PCGF3: variants seen among roughly 807,000 people sequenced by gnomAD.
The protein encoded by PCGF3 is polycomb group RING finger protein 3.
PCGF3 carries 7 observed loss-of-function variants against 33.1 expected under a neutral mutation model. The observed-to-expected ratio is 0.21, with a 90% CI of 0.12 to 0.40. The LOEUF (loss-of-function observed/expected upper bound fraction) is 0.40, where lower values mean the gene tolerates loss of function less well. Ranked by LOEUF, PCGF3 falls within the 10% of genes least tolerant of loss-of-function variation. The pLI, the probability that PCGF3 is intolerant of heterozygous loss-of-function variation, is 1.00. For missense variants in PCGF3, 211 were observed against 313.3 expected (o/e 0.67, Z 2.46); for synonymous variants, 153 against 121.3 (o/e 1.26, Z -1.72).
exon 11 of PCGF3, chr4:767,312 A>G (rs1410712718): frequency 2.0e-5 from 3 of 150,322 alleles, no homozygotes; most frequent in South Asian, 4.3e-4. Flanking sequence ...AGCCACACAC[A>G]CATTTTTTTT....
At chr4:734,947 G>A (rs1743766052) in exon 5 of PCGF3, 1 of 1,613,598 alleles carries the variant, frequency 6.2e-7, no homozygotes, top group Admixed American at 1.7e-5. Context: ...GGAGCTGCCT[G>A]GTGAAGTACC....
chr4:761,914 C>G (rs1033616908), intron 9 of PCGF3: 2 of 985,284 alleles, frequency 2.0e-6, no homozygotes, highest in Non-Finnish European at 2.4e-6. Flanking sequence ...TCCAGCTTTG[C>G]ATGGAGACAG....
intron 9 of PCGF3, among the ~76,000 whole-genome samples, chr4:763,437 G>A (rs1745181234): frequency 6.6e-6 from 1 of 152,190 alleles, no homozygotes; most frequent in African/African-American, 2.4e-5. Flanking sequence ...CAGCCACTCA[G>A]GCAGGTGGGG....
chr4:764,200 G>A (rs1745230075), intron 9 of PCGF3, among the ~76,000 whole-genome samples: 1 of 152,244 alleles, frequency 6.6e-6, no homozygotes, highest in African/African-American at 2.4e-5. Flanking sequence ...CCCCCATGCA[G>A]GGTGTTGGTG....
intron 6 of PCGF3, among the ~76,000 whole-genome samples, chr4:740,823 G>A (rs554174764): frequency 1.3e-5 from 2 of 152,192 alleles, no homozygotes; most frequent in South Asian, 2.1e-4. Context: ...GCCTTCACCC[G>A]TAAGCCCGTC....
chr4:765,219 G>T, intron 10 of PCGF3, 155 bp downstream of exon 10: 1 of 583,752 alleles, frequency 1.7e-6, no homozygotes, highest in South Asian at 1.9e-5. Flanking sequence ...GGATCACGAG[G>T]TCAGGAGATC....
At chr4:735,150 A>G in intron 5 of PCGF3, 123 bp downstream of exon 5, 1 of 1,059,648 alleles carries the variant, frequency 9.4e-7, no homozygotes, top group Non-Finnish European at 1.4e-6. Context: ...GCCTCTCCTG[A>G]CCAAGGGCAC....
intron 1 of PCGF3, among the ~76,000 whole-genome samples, chr4:715,872 G>A (rs1198665597): frequency 5.4e-5 from 6 of 110,290 alleles, no homozygotes; most frequent in African/African-American, 1.9e-4. Context: ...ACTGGGTGTC[G>A]GTGCTGGGAC....
At chr4:739,140 C>T (rs184314801) in intron 6 of PCGF3, among the ~76,000 whole-genome samples, 119 of 152,268 alleles carry the variant, frequency 7.8e-4, no homozygotes, top group African/African-American at 2.8e-3. Context: ...TCCTTAATAC[C>T]AAATAGCCAC....
At position 733,596 on chromosome 4, in the gene PCGF3, C is replaced by A. The variant is rs546543429; in HGVS notation, c.-9-76C>A. On this transcript the variant is annotated intron_variant, in intron 3 of 10. Coordinates refer to ENST00000362003, the Ensembl canonical transcript of PCGF3. ...GGGCCTGCACTGTCCTCCCTGGGGG[C>A]GGCTGTCAGAGCTCAGCCAAGGATG... 3.1e-5 allele frequency: 44 copies of A among 1,429,504 alleles called. 2 individuals are homozygous for A. The highest frequency in any genetic ancestry group is 9.3e-5 in the East Asian group (4 of 43,200). The allele number at this position is 1,429,504 out of a possible 1,614,324, so 88.6% of individuals were successfully genotyped here.
At chr4:761,255 T>G in intron 8 of PCGF3, 24 bp from the exon 9 acceptor site, 1 of 1,557,216 alleles carries the variant, frequency 6.4e-7, no homozygotes, top group Non-Finnish European at 8.7e-7. Flanking sequence ...CCTGCTGCGC[T>G]CTCACCAGCG....
Position 721,113 on chromosome 4 carries a change from C to A in PCGF3, c.-189-9517C>A, listed in dbSNP as rs1044379143. On this transcript the variant is annotated intron_variant, in intron 1 of 10. Transcript: ENST00000362003. The surrounding 1 kb of genome is among the most constrained non-coding windows in gnomAD (Gnocchi z 4.1). ...GAGGCTGAGGACCCTGGGGAGGGAA[C>A]GCTGCTTGTCGGGCGGTGGTGACGA... is the stretch of plus-strand genomic sequence containing the variant. Among the ~76,000 whole-genome samples the A allele has an allele frequency of 6.6e-6, 1 of 151,848 alleles. No individual in the cohort carries two copies. Among genetic ancestry groups the A allele is most frequent in the Non-Finnish European group, 1.5e-5 (1 of 67,960 alleles).
At chr4:750,748 C>T (rs1744474658) in intron 8 of PCGF3, among the ~76,000 whole-genome samples, 1 of 151,916 alleles carries the variant, frequency 6.6e-6, no homozygotes, top group South Asian at 2.1e-4. Context: ...TCTGTAACCT[C>T]GCGGTGTTGC....
intron 1 of PCGF3, among the ~76,000 whole-genome samples, chr4:719,386 C>T (rs560753204): frequency 2.1e-4 from 32 of 152,340 alleles, no homozygotes; most frequent in South Asian, 8.3e-4. Context: ...TCTGTGTGTC[C>T]GCACGAGGTT....
intron 5 of PCGF3, among the ~76,000 whole-genome samples, chr4:736,164 C>T (rs1486958460): frequency 2.6e-5 from 4 of 152,120 alleles, no homozygotes; most frequent in Admixed American, 6.5e-5. Flanking sequence ...TCTCCTGCCT[C>T]AGCCTCCCGA....
intron 6 of PCGF3, among the ~76,000 whole-genome samples, chr4:738,040 C>T (rs979718903): frequency 3.3e-5 from 5 of 152,246 alleles, no homozygotes; most frequent in Non-Finnish European, 5.9e-5. Context: ...GCTGAAAGCT[C>T]CCCAGCTCCC....
chr4:754,987 G>A (rs914700335), intron 8 of PCGF3, among the ~76,000 whole-genome samples: 1 of 152,220 alleles, frequency 6.6e-6, no homozygotes, highest in Non-Finnish European at 1.5e-5. Flanking sequence ...TGGACAAGGA[G>A]CTCAGTGTTC....
intron 6 of PCGF3, among the ~76,000 whole-genome samples, chr4:742,029 A>C (rs1744114305): frequency 6.6e-6 from 1 of 152,096 alleles, no homozygotes; most frequent in Non-Finnish European, 1.5e-5. Flanking sequence ...CAGATTCTCC[A>C]GGCTAATCTT....
chr4:722,695 A>G (rs866574033), intron 1 of PCGF3, among the ~76,000 whole-genome samples: 15,119 of 34,796 alleles, frequency 0.43, 4,014 homozygotes, highest in African/African-American at 0.61. Flanking sequence ...TCGCGTCATC[A>G]CCTGTCTGCG....
Sources: gnomAD v4.1 joint callset for allele counts (sites outside exome capture counted in the v4.1 genomes callset) on GRCh38, gnomAD v4.1.1 for gene constraint, Gnocchi (gnomAD v3.1) non-coding constraint, MANE v1.5 for transcripts, NCBI Gene and HGNC (gene_info 2026-07-23, HGNC 2026-07-21) for gene names.